NOS1: variants seen among roughly 807,000 people sequenced by gnomAD.
NOS1 encodes nitric oxide synthase 1.
Under a neutral mutation model 164.5 loss-of-function variants are expected in NOS1, and 51 were observed. The observed-to-expected ratio is 0.31, with a 90% CI of 0.25 to 0.39. The LOEUF (loss-of-function observed/expected upper bound fraction) is 0.39, where lower values mean the gene tolerates loss of function less well. Ranked by LOEUF, NOS1 falls within the 10% of genes least tolerant of loss-of-function variation. The probability of loss-of-function intolerance (pLI) is 1.00; values close to 1 mark genes in which losing one functional copy is unlikely to be tolerated. For missense variants in NOS1, 1,362 were observed against 1,885.6 expected, an observed-to-expected ratio of 0.72 and a Z score of 5.14; for synonymous variants, 719 against 745.8, an observed-to-expected ratio of 0.96 and a Z score of 0.59.
At chr12:117,263,307 AC>A (rs1872093883) in intron 13 of NOS1, among the ~76,000 whole-genome samples, 1 of 152,030 alleles carries the variant, frequency 6.6e-6, no homozygotes. Context: ...GCTGGAGCTG[AC>A]TAACTCCAGC....
chr12:117,355,740 T>C, intron 1 of NOS1, among the ~76,000 whole-genome samples: 1 of 152,272 alleles, frequency 6.6e-6, no homozygotes, highest in East Asian at 1.9e-4. Context: ...TCTTTTTTAT[T>C]TAAAAAAATT....
intron 3 of NOS1, among the ~76,000 whole-genome samples, chr12:117,307,721 T>C (rs1450877944): frequency 6.6e-6 from 1 of 152,058 alleles, no homozygotes; most frequent in Non-Finnish European, 1.5e-5. Context: ...CTGCCACTTA[T>C]AAAAATGACA....
rs760154370 is a variant in NOS1 at position 117,280,778 on chromosome 12, T to C, written c.1471A>G (p.Lys491Glu). 1.2e-6 allele frequency: 2 copies of C among 1,614,150 alleles called. No individual in the cohort carries two copies. Among genetic ancestry groups the C allele is most frequent in the Admixed American group, 1.7e-5 (1 of 60,030 alleles). Reference sequence around the variant, plus strand: ...CCCAGGGTGGAGCCGTCAGGCTGCTTGTAGCCAGCGTAGCGGATGAGCTGG... The same window carrying C: ...CCCAGGGTGGAGCCGTCAGGCTGCTCGTAGCCAGCGTAGCGGATGAGCTGG... ...NSQLIRYAGYKQPDGSTLGDP... is the reference protein window; with the variant it reads ...NSQLIRYAGYEQPDGSTLGDP... The change falls in exon 8 of 29, where the codon AAG (lysine) becomes GAG (glutamate). Residue 491 changes from lysine to glutamate, a missense_variant. Coordinates refer to ENST00000317775, the MANE Select transcript of NOS1 (RefSeq NM_000620.5).
At chr12:117,260,319 T>C in intron 14 of NOS1, 146 bp downstream of exon 14, 1 of 797,320 alleles carries the variant, frequency 1.3e-6, no homozygotes, top group Non-Finnish European at 2.0e-6. Flanking sequence ...CTGAAATTTA[T>C]GCAAATGTGT....
chr12:117,218,477 A>T (rs578151553), intron 27 of NOS1, among the ~76,000 whole-genome samples: 1 of 152,124 alleles, frequency 6.6e-6, no homozygotes, highest in East Asian at 1.9e-4. Flanking sequence ...GTCAAATGGA[A>T]ACCTCACCAT....
Position 117,302,718 on chromosome 12 carries a change from G to A in NOS1, c.852+8748C>T, listed in dbSNP as rs898428448. Among the ~76,000 whole-genome samples the A allele has an allele frequency of 3.3e-5, 5 of 151,912 alleles. No homozygotes were observed. The South Asian group carries it at 6.3e-4, about 19-fold the overall frequency. ...GTTAAAATGGCTACACACCTGCACC[G>A]TGATATTGTTATCACTGTTACTTTT... On this transcript the variant is annotated intron_variant, in intron 3 of 28. Transcript: ENST00000317775.
At position 117,208,422 on chromosome 12, in the gene NOS1, G is replaced by GTGTGTGT. The variant is rs58714999; in HGVS notation, c.*6886_*6887insACACACA. 328 of 1,274,588 alleles carry GTGTGTGT rather than the reference G, an allele frequency of 2.6e-4. 1 individual carries two copies. The highest frequency in any genetic ancestry group is 9.6e-4 in the Middle Eastern group (3 of 3,110). The allele number at this position is 1,274,588 out of a possible 1,614,324, so 79.0% of individuals were successfully genotyped here. On this transcript the variant is annotated 3_prime_UTR_variant, in exon 29 of 29. Coordinates refer to ENST00000317775, the MANE Select transcript of NOS1 (RefSeq NM_000620.5). ...TGTGTGTGTGTGTGTGTGTGTGTGT[G>GTGTGTGT]GTGAGATGCGACCAGGTCTGCCCAC...
In NOS1 at chr12:117,285,245, G is replaced by T; in HGVS notation, c.1378C>A (p.Leu460Ile). The part of the protein sequence containing the change: ...HVKYATNKGN[L>I]RSAITIFPQR... The stretch of plus-strand genomic sequence containing the variant: ...GTGCCCAGCTGGTCAGCTCACCTGA[G>T]GTTCCCTTTGTTGGTGGCATACTTG... The change falls in exon 7 of 29, where the codon CTC becomes ATC. Residue 460 changes from leucine (L) to isoleucine (I), a missense_variant. By Grantham distance (5) the Leu-to-Ile change is conservative. Around this residue, in one of 4 missense-constraint regions of NOS1, gnomAD observed 134 missense variants for 267.3 expected, o/e 0.50. Coordinates refer to ENST00000317775, the MANE Select transcript of NOS1 (RefSeq NM_000620.5). The T allele has an allele frequency of 6.2e-7, 1 of 1,610,508 alleles. No homozygotes were observed. The highest frequency in any genetic ancestry group is 8.5e-7 in the Non-Finnish European group (1 of 1,177,652).
intron 1 of NOS1, among the ~76,000 whole-genome samples, chr12:117,359,911 T>TAC (rs1877051728): frequency 1.5e-5 from 1 of 64,940 alleles, no homozygotes; most frequent in Non-Finnish European, 3.0e-5. Context: ...TATATATATA[T>TAC]ATATATATAT....
At chr12:117,276,473 G>A (rs1401180213) in intron 9 of NOS1, among the ~76,000 whole-genome samples, 1 of 152,268 alleles carries the variant, frequency 6.6e-6, no homozygotes, top group East Asian at 1.9e-4. Flanking sequence ...AGTAGAGATA[G>A]GGTTTTGCCA....
At chr12:117,313,039 C>A (rs907772333) in intron 2 of NOS1, among the ~76,000 whole-genome samples, 1 of 152,072 alleles carries the variant, frequency 6.6e-6, no homozygotes, top group African/African-American at 2.4e-5. Context: ...ACCATAATCA[C>A]CCTCATCGTT....
At chr12:117,241,797 G>A (rs9658480) in intron 20 of NOS1, among the ~76,000 whole-genome samples, 7,990 of 152,292 alleles carry the variant, frequency 0.052, 354 homozygotes, top group South Asian at 0.12. Flanking sequence ...CAGCATTAGC[G>A]CGTCCTGTTC....
chr12:117,334,750 CT>C (rs1266507768), intron 1 of NOS1, among the ~76,000 whole-genome samples: 10 of 152,320 alleles, frequency 6.6e-5, no homozygotes, highest in African/African-American at 2.4e-4. Context: ...CCTTTTCCTC[CT>C]GCAAAACATC....
At chr12:117,295,178 T>C (rs922854487) in intron 3 of NOS1, among the ~76,000 whole-genome samples, 1 of 152,206 alleles carries the variant, frequency 6.6e-6, no homozygotes, top group Admixed American at 6.5e-5. Flanking sequence ...ATCCCACAAC[T>C]GGGAAAAGCA....
intron 22 of NOS1, among the ~76,000 whole-genome samples, chr12:117,229,599 T>TCTAC (rs1869025106): frequency 1.3e-5 from 2 of 151,884 alleles, no homozygotes; most frequent in South Asian, 4.2e-4. Context: ...TATCTATCTA[T>TCTAC]CTATCTGGAG....
chr12:117,309,598 C>T (rs1017676033), intron 3 of NOS1, among the ~76,000 whole-genome samples: 5 of 152,320 alleles, frequency 3.3e-5, no homozygotes, highest in African/African-American at 1.2e-4. Flanking sequence ...GTTTGAAATT[C>T]ACACGATTCC....
intron 2 of NOS1, among the ~76,000 whole-genome samples, chr12:117,320,494 G>C (rs1445212454): frequency 6.6e-6 from 1 of 152,194 alleles, no homozygotes; most frequent in Admixed American, 6.5e-5. Context: ...AAAGAAGACA[G>C]TCCTGCTGAT....
At chr12:117,339,031 A>G (rs916784683) in intron 1 of NOS1, among the ~76,000 whole-genome samples, 2 of 152,190 alleles carry the variant, frequency 1.3e-5, no homozygotes, top group African/African-American at 4.8e-5. Context: ...CTTTTAAAAA[A>G]TGCAAAACCA....
chr12:117,315,354 C>T (rs1197108073), intron 2 of NOS1, among the ~76,000 whole-genome samples: 1 of 152,068 alleles, frequency 6.6e-6, no homozygotes, highest in African/African-American at 2.4e-5. Context: ...TAGGTACACA[C>T]CACCACACCC....
Sources: allele counts gnomAD v4.1 joint callset (sites outside exome capture counted in the v4.1 genomes callset), GRCh38; gene constraint gnomAD v4.1.1; regional missense constraint gnomAD v4.1.1; transcripts MANE v1.5; gene names NCBI Gene and HGNC (gene_info 2026-07-23, HGNC 2026-07-21).